Variants in ANKRD28 observed in about 807,000 individuals in gnomAD.
ANKRD28 encodes serine/threonine-protein phosphatase 6 regulatory ankyrin repeat subunit A.
In ANKRD28, 44 loss-of-function variants were observed where a neutral mutation model predicts 126.5. The ratio of observed to expected loss-of-function variants is 0.35; its 90% CI spans 0.27 to 0.45. The LOEUF (loss-of-function observed/expected upper bound fraction) is 0.45, where lower values mean the gene tolerates loss of function less well. Among genes scored for constraint, ANKRD28 ranks in the 20% least tolerant of loss-of-function variants. The pLI, the probability that ANKRD28 is intolerant of heterozygous loss-of-function variation, is 1.00. For missense variants in ANKRD28, 1,110 were observed against 1,316.6 expected (o/e 0.84, Z 2.43); for synonymous variants, 442 against 468.5 (o/e 0.94, Z 0.73).
intron 1 of ANKRD28, among the ~76,000 whole-genome samples, chr3:15,818,338 A>G (rs1196011491): frequency 6.6e-6 from 1 of 152,226 alleles, no homozygotes; most frequent in East Asian, 1.9e-4. Context: ...AAATTCCACA[A>G]ATAAGTACTT....
chr3:15,810,121 C>T (rs2060681102), intron 1 of ANKRD28, among the ~76,000 whole-genome samples: 1 of 152,082 alleles, frequency 6.6e-6, no homozygotes, highest in Non-Finnish European at 1.5e-5. Context: ...AGACTTGTAT[C>T]TTAAAGAACT....
chr3:15,672,812 G>A (rs1175647671), intron 27 of ANKRD28, among the ~76,000 whole-genome samples: 1 of 152,194 alleles, frequency 6.6e-6, no homozygotes, highest in Non-Finnish European at 1.5e-5. Context: ...GTCTGGCTCT[G>A]TCACCCAGGC....
At chr3:15,685,529 C>T (rs146784525) in intron 20 of ANKRD28, 84 bp from the exon 21 acceptor site, 1 of 1,127,550 alleles carries the variant, frequency 8.9e-7, no homozygotes, top group East Asian at 2.4e-5. Flanking sequence ...ACTTTAAAGA[C>T]CATACTCTCC....
In ANKRD28 at chr3:15,830,084, T is replaced by C. The variant is rs139280507; in HGVS notation, c.27+29293A>G. On this transcript the variant is annotated intron_variant, in intron 1 of 27. Transcript: ENST00000399451. The surrounding 1 kb of genome is among the most constrained non-coding windows in gnomAD (Gnocchi z 4.5). ...TACTTAAAAACAATCTTAAGGGAAA[T>C]AGGCTTTTCCCTCCCCTTAACTGTA... Among the ~76,000 whole-genome samples the C allele has an allele frequency of 4.8e-3, 736 of 152,228 alleles. 3 individuals carry two copies. The highest frequency in any genetic ancestry group is 0.011 in the Admixed American group (167 of 15,294).
chr3:15,714,535 A>G (rs755305879), intron 9 of ANKRD28, 43 bp downstream of exon 9: 62 of 1,424,372 alleles, frequency 4.4e-5, no homozygotes, highest in Non-Finnish European at 1.9e-5. Flanking sequence ...CATTTAAGAA[A>G]AAAAAAAAAA....
intron 21 of ANKRD28, 100 bp downstream of exon 21, chr3:15,685,126 G>T (rs911010411): frequency 4.8e-6 from 6 of 1,249,648 alleles, no homozygotes; most frequent in Admixed American, 3.6e-5. Context: ...TATTCCCAAG[G>T]TTTTTGCTAA....
Position 15,729,165 on chromosome 3 carries a change from G to A in ANKRD28, c.641-4641C>T, listed in dbSNP as rs189309637. ...CTCAACTACATAGAAAGGCCAGGAA[G>A]GGGGCCATGTATCTGGAAGGTGAGA... On this transcript the variant is annotated intron_variant, in intron 6 of 27. Transcript: ENST00000683139. Among the ~76,000 whole-genome samples the A allele has an allele frequency of 2.5e-4, 38 of 152,316 alleles. No individual in the cohort carries two copies. The East Asian group carries it at 6.8e-3, about 27-fold the overall frequency.
At chr3:15,694,678 G>T (rs1444734870) in intron 17 of ANKRD28, 61 bp downstream of exon 17, 4 of 1,429,950 alleles carry the variant, frequency 2.8e-6, no homozygotes, top group East Asian at 4.5e-5. Flanking sequence ...AACACAAATA[G>T]GTTATTAGAT....
intron 1 of ANKRD28, among the ~76,000 whole-genome samples, chr3:15,820,523 G>C (rs1243222779): frequency 6.6e-6 from 1 of 152,180 alleles, no homozygotes; most frequent in Non-Finnish European, 1.5e-5. Context: ...GGGGAACGTA[G>C]TAGAGAAAGA....
Position 15,686,248 on chromosome 3 carries a change from T to G in ANKRD28, c.2025A>C (p.Ala675=), listed in dbSNP as rs1212996589. The change falls in exon 19 of 28, where the codon GCA becomes GCC. Residue 675 remains alanine (A), a synonymous_variant. Transcript: ENST00000683139. ...LLIGNAEPQN[A]VDIQDGNGQT... ...GTCCATTTCCATCTTGAATATCCAC[T>G]GCATTCTGTGGTTCTGCATTTCCTA... 6.3e-7 allele frequency: 1 copy of G among 1,593,768 alleles called. No individual in the cohort carries two copies. Among genetic ancestry groups the G allele is most frequent in the Admixed American group, 1.8e-5 (1 of 56,762 alleles).
chr3:15,812,175 G>C lies in ANKRD28; in HGVS notation c.28-16869C>G, dbSNP rs4685263. Reference sequence around the variant, plus strand: ...CAAACAAAACAAAACAAAACAAAACGAAACCCAAAACAACAATAAAATGTT... The same window carrying C: ...CAAACAAAACAAAACAAAACAAAACCAAACCCAAAACAACAATAAAATGTT... On this transcript the variant is annotated intron_variant, in intron 1 of 27. Coordinates refer to the ANKRD28 transcript ENST00000399451. The surrounding 1 kb of genome is among the most constrained non-coding windows in gnomAD (Gnocchi z 4.1). Among the ~76,000 whole-genome samples, 2 of 134,556 alleles carry C rather than the reference G, an allele frequency of 1.5e-5. No homozygotes were observed. Among genetic ancestry groups the C allele is most frequent in the South Asian group, 2.6e-4 (1 of 3,836 alleles). 88.3% of individuals were successfully genotyped at this position (134,556 alleles called of 152,430 possible).
chr3:15,787,376 C>T lies in ANKRD28; in HGVS notation c.201+7847G>A, dbSNP rs76252037. Among the ~76,000 whole-genome samples, 865 of 152,170 alleles carry T rather than the reference C, an allele frequency of 5.7e-3. 7 individuals are homozygous for T. Among genetic ancestry groups the T allele is most frequent in the Middle Eastern group, 0.014 (4 of 294 alleles). Reference sequence around the variant, plus strand: ...ATCTTGGGAGAAACCTCAACATTGACGAAGATAATTTACAAATTTGAAACT... The same window carrying T: ...ATCTTGGGAGAAACCTCAACATTGATGAAGATAATTTACAAATTTGAAACT... On this transcript the variant is annotated intron_variant, in intron 2 of 27. Coordinates refer to ENST00000683139, the MANE Select transcript of ANKRD28 (RefSeq NM_001349278.2).
intron 4 of ANKRD28, 31 bp from the exon 5 acceptor site, chr3:15,737,264 A>G: frequency 6.3e-7 from 1 of 1,575,522 alleles, no homozygotes; most frequent in South Asian, 1.1e-5. Flanking sequence ...TAAAAGACAA[A>G]TGAGTTAAGA....
At chr3:15,690,916 A>G (rs1168885473) in intron 17 of ANKRD28, among the ~76,000 whole-genome samples, 1 of 152,138 alleles carries the variant, frequency 6.6e-6, no homozygotes, top group Non-Finnish European at 1.5e-5. Context: ...TCAACTGCAA[A>G]GACAGCTAGC....
chr3:15,842,350 T>G (rs1349166331), intron 1 of ANKRD28, among the ~76,000 whole-genome samples: 1 of 149,514 alleles, frequency 6.7e-6, no homozygotes, highest in Non-Finnish European at 1.5e-5. Flanking sequence ...AGCTAAAAAT[T>G]AAAACAATTG....
chr3:15,708,005 C>A lies in ANKRD28; in HGVS notation c.1466G>T (p.Gly489Val). Residue 489 changes from glycine (G) to valine (V), a missense_variant, in exon 14 of 28, where the codon GGA (glycine) becomes GTA (valine). Coordinates refer to ENST00000683139, the MANE Select transcript of ANKRD28 (RefSeq NM_001349278.2). ...CNYQCLFALV[G>V]SGASVNDLDE... The stretch of plus-strand genomic sequence containing the variant: ...AAGGTCATTCACACTTGCTCCTGAT[C>A]CCACAAGAGCAAACAGGCACTGGTA... The A allele has an allele frequency of 6.2e-7, 1 of 1,611,248 alleles. No individual in the cohort carries two copies. The highest frequency in any genetic ancestry group is 8.5e-7 in the Non-Finnish European group (1 of 1,178,730).
rs34806568 is a variant in ANKRD28, at chr3:15,674,174, CAAAAAAA to C, written c.2965+1717_2965+1723del. On this transcript the variant is annotated intron_variant, in intron 27 of 27. Coordinates refer to ENST00000683139, the MANE Select transcript of ANKRD28 (RefSeq NM_001349278.2). ...GCAACAGAGTGAGACCCTGCCTCTT[CAAAAAAA>C]AAAAAAAAAAAAAAAAAGAAGAAGA... 7.0e-4 allele frequency among the ~76,000 whole-genome samples: 28 copies of C among 40,286 alleles called. No individual in the cohort carries two copies. The East Asian group carries it at 0.015, about 22-fold the overall frequency. 26.4% of individuals were successfully genotyped at this position (40,286 alleles called of 152,430 possible).
In ANKRD28 at chr3:15,770,037, T is replaced by A. The variant is rs546155806; in HGVS notation, c.202-3725A>T. Among the ~76,000 whole-genome samples the A allele has an allele frequency of 2.8e-4, 37 of 133,436 alleles. No individual in the cohort carries two copies. In the South Asian group the frequency reaches 8.1e-3, roughly 29 times the overall value. The allele number at this position is 133,436 out of a possible 152,430, so 87.5% of individuals were successfully genotyped here. ...CCATTGAAAAAGCCTTGGTCTAACT[T>A]AAAAAAAAAAAAAAAAGTTATGTAC... On this transcript the variant is annotated intron_variant, in intron 2 of 27. Coordinates refer to ENST00000683139, the MANE Select transcript of ANKRD28 (RefSeq NM_001349278.2).
chr3:15,766,279 C>T lies in ANKRD28; in HGVS notation c.235G>A (p.Ala79Thr). The change falls in exon 3 of 28, where the codon GCT becomes ACT. Residue 79 changes from alanine (A) to threonine (T), a missense_variant. Ala to Thr is a moderately conservative substitution (Grantham distance 58). Transcript: ENST00000683139. ...NEKRTPLHAA[A>T]YLGDAEIIEL... ...ATGATTTCTGCATCTCCAAGGTAAGCTGCGGCGTGCAATGGGGTTCGCTTT... is the reference window on the plus strand; with the variant it reads ...ATGATTTCTGCATCTCCAAGGTAAGTTGCGGCGTGCAATGGGGTTCGCTTT... The T allele has an allele frequency of 6.2e-7, 1 of 1,611,544 alleles. No individual in the cohort carries two copies. Among genetic ancestry groups the T allele is most frequent in the Non-Finnish European group, 8.5e-7 (1 of 1,178,406 alleles).
Sources: gnomAD v4.1 joint callset for allele counts (sites outside exome capture counted in the v4.1 genomes callset) on GRCh38, gnomAD v4.1.1 for gene constraint, Gnocchi (gnomAD v3.1) non-coding constraint, MANE v1.5 for transcripts, NCBI Gene and HGNC (gene_info 2026-07-23, HGNC 2026-07-21) for gene names.